Variants in CNTNAP4 observed in about 807,000 individuals in gnomAD.
The protein encoded by CNTNAP4 is contactin-associated protein-like 4.
CNTNAP4 carries 98 observed loss-of-function variants against 148.4 expected under a neutral mutation model. That is an observed-to-expected ratio of 0.66 (90% CI 0.56 to 0.78). The LOEUF (loss-of-function observed/expected upper bound fraction) is 0.78, where lower values mean the gene tolerates loss of function less well. CNTNAP4 is among the 30% of genes least tolerant of loss of function. The probability of loss-of-function intolerance (pLI) is 0.00; values close to 1 mark genes in which losing one functional copy is unlikely to be tolerated. For synonymous variants in CNTNAP4, 730 were observed against 565.1 expected (o/e 1.29, Z -4.14); for missense variants, 1,935 against 1,565.6 (o/e 1.24, Z -3.98).
At position 76,287,963 on chromosome 16, in the gene CNTNAP4, A is replaced by T. The variant is rs77082852; in HGVS notation, c.85+10216A>T. On this transcript the variant is annotated intron_variant, in intron 1 of 23. Transcript: ENST00000611870. ...GCAAACAAATGTCTTCCTACTCAGT[A>T]CTTGCTGATCTTTCCACTTTTGTCT... 2.0e-5 allele frequency among the ~76,000 whole-genome samples: 3 copies of T among 152,218 alleles called. No homozygotes were observed. In the East Asian group the frequency reaches 5.8e-4, roughly 29 times the overall value.
intron 3 of CNTNAP4, among the ~76,000 whole-genome samples, chr16:76,415,560 A>T (rs1013314887): frequency 2.6e-5 from 4 of 151,096 alleles, no homozygotes. Context: ...AATCATTTTT[A>T]TTGAGAAAGT....
Position 76,530,047 on chromosome 16 carries a change from T to A in CNTNAP4, c.2756-5498T>A, listed in dbSNP as rs563921315. ...TTTCTATGAGATTGTCTTATTTTTT[T>A]TAAAAAAAACTTCATAAGAATTCTT... is the stretch of plus-strand genomic sequence containing the variant. On this transcript the variant is annotated intron_variant, in intron 17 of 23. Coordinates refer to ENST00000611870, the MANE Select transcript of CNTNAP4 (RefSeq NM_033401.5). 2.0e-5 allele frequency among the ~76,000 whole-genome samples: 3 copies of A among 152,216 alleles called. No homozygotes were observed. In the South Asian group the frequency reaches 6.2e-4, roughly 32 times the overall value.
At chr16:76,319,545 C>A (rs766240754) in intron 2 of CNTNAP4, among the ~76,000 whole-genome samples, 2 of 152,078 alleles carry the variant, frequency 1.3e-5, no homozygotes, top group Non-Finnish European at 2.9e-5. Context: ...ATGAAGGTGA[C>A]CTTATTTGGA....
At chr16:76,308,853 C>G (rs952738265) in intron 1 of CNTNAP4, among the ~76,000 whole-genome samples, 1 of 152,022 alleles carries the variant, frequency 6.6e-6, no homozygotes, top group Non-Finnish European at 1.5e-5. Context: ...GAGATGGGGT[C>G]TTGCTCTGTT....
chr16:76,301,923 G>A (rs1394580508), intron 1 of CNTNAP4, among the ~76,000 whole-genome samples: 1 of 152,084 alleles, frequency 6.6e-6, no homozygotes, highest in Non-Finnish European at 1.5e-5. Context: ...GAAAACAGTG[G>A]CATTAGCATG....
intron 8 of CNTNAP4, among the ~76,000 whole-genome samples, chr16:76,456,461 G>C (rs559183766): frequency 1.3e-5 from 2 of 152,234 alleles, no homozygotes; most frequent in Non-Finnish European, 2.9e-5. Context: ...AGTATCAGGA[G>C]AGAAAGAAGT....
intron 4 of CNTNAP4, among the ~76,000 whole-genome samples, chr16:76,440,118 A>C (rs1158568696): frequency 6.6e-6 from 1 of 152,128 alleles, no homozygotes; most frequent in Non-Finnish European, 1.5e-5. Context: ...TTCATTTTTA[A>C]CTAAGAAGAG....
intron 3 of CNTNAP4, 34 bp from the exon 4 acceptor site, chr16:76,427,418 A>T (rs764614259): frequency 3.8e-6 from 6 of 1,579,642 alleles, no homozygotes; most frequent in Non-Finnish European, 5.2e-6. Flanking sequence ...TGTTCTCCAG[A>T]TACATTGATG....
chr16:76,533,397 G>T (rs1470734139), intron 17 of CNTNAP4, among the ~76,000 whole-genome samples: 2 of 152,082 alleles, frequency 1.3e-5, no homozygotes, highest in Non-Finnish European at 2.9e-5. Context: ...TAGACAGGAG[G>T]AAAAAGTTCT....
chr16:76,427,526 G>T lies in CNTNAP4; in HGVS notation c.465G>T (p.Leu155=), dbSNP rs372432776. Residue 155 remains leucine (L), a synonymous_variant, in exon 4 of 24, where the codon CTG becomes CTT. Transcript: ENST00000611870. ...RLQPSIKARF[L]RFIPLEWNPK... is the part of the protein sequence containing the mutation. Reference sequence around the variant, plus strand: ...AGCCTTCTATCAAAGCCAGATTTCTGCGCTTCATCCCTTTGGAATGGAACC... The same window carrying T: ...AGCCTTCTATCAAAGCCAGATTTCTTCGCTTCATCCCTTTGGAATGGAACC... 42 of 1,612,974 alleles carry T rather than the reference G, an allele frequency of 2.6e-5. No individual in the cohort carries two copies. The African/African-American group carries it at 4.7e-4, about 18-fold the overall frequency.
At chr16:76,364,298 A>G (rs962922080) in intron 3 of CNTNAP4, among the ~76,000 whole-genome samples, 4 of 151,100 alleles carry the variant, frequency 2.6e-5, no homozygotes, top group Admixed American at 1.3e-4. Flanking sequence ...TGAGCTGTAG[A>G]TACACATAGC....
rs765831502 is a variant in CNTNAP4, at chr16:76,559,552, T to A, written c.*869T>A. ...AAAAAATTCTTAACACAGCAAAAAA[T>A]TATTATTTAATTTACAACTGTAATA... On this transcript the variant is annotated 3_prime_UTR_variant, in exon 24 of 24. Transcript: ENST00000611870. Among the ~76,000 whole-genome samples, 23 of 152,142 alleles carry A rather than the reference T, an allele frequency of 1.5e-4. No homozygotes were observed. Among genetic ancestry groups the A allele is most frequent in the Non-Finnish European group, 2.9e-4 (20 of 68,030 alleles).
chr16:76,438,273 A>T (rs555752301), intron 4 of CNTNAP4, among the ~76,000 whole-genome samples: 1 of 152,076 alleles, frequency 6.6e-6, no homozygotes, highest in Non-Finnish European at 1.5e-5. Flanking sequence ...GCTCAAGGTG[A>T]AATGCCAAGC....
chr16:76,475,912 G>T (rs1364696154), intron 10 of CNTNAP4, 27 bp from the exon 11 acceptor site: 1 of 1,525,406 alleles, frequency 6.6e-7, no homozygotes, highest in Non-Finnish European at 9.1e-7. Context: ...AATGGAAACT[G>T]GTGATTGTAT....
intron 17 of CNTNAP4, among the ~76,000 whole-genome samples, chr16:76,530,429 C>G (rs1378382476): frequency 6.6e-6 from 1 of 152,108 alleles, no homozygotes; most frequent in Non-Finnish European, 1.5e-5. Flanking sequence ...GTAGGTAAAT[C>G]TTAGCGATCA....
intron 3 of CNTNAP4, among the ~76,000 whole-genome samples, chr16:76,368,100 G>A (rs1358174250): frequency 6.6e-6 from 1 of 152,154 alleles, no homozygotes; most frequent in Admixed American, 6.5e-5. Flanking sequence ...TTGACAACCA[G>A]GTACAGGTTT....
intron 1 of CNTNAP4, among the ~76,000 whole-genome samples, chr16:76,281,199 G>A (rs901489064): frequency 1.3e-5 from 2 of 151,946 alleles, no homozygotes; most frequent in Non-Finnish European, 2.9e-5. Flanking sequence ...ACTCAACCTT[G>A]TAATTCTTTC....
At chr16:76,380,198 A>T (rs2015824859) in intron 3 of CNTNAP4, among the ~76,000 whole-genome samples, 1 of 152,198 alleles carries the variant, frequency 6.6e-6, no homozygotes, top group African/African-American at 2.4e-5. Context: ...TTCATTTTGA[A>T]TAAGATATAA....
intron 1 of CNTNAP4, among the ~76,000 whole-genome samples, chr16:76,293,680 T>G (rs1369395134): frequency 3.3e-5 from 5 of 152,292 alleles, no homozygotes; most frequent in Non-Finnish European, 7.4e-5. Context: ...TTTATAGCTC[T>G]TTGCTTGGAA....
Sources: allele counts gnomAD v4.1 joint callset (sites outside exome capture counted in the v4.1 genomes callset), GRCh38; gene constraint gnomAD v4.1.1; transcripts MANE v1.5; gene names NCBI Gene and HGNC (gene_info 2026-07-23, HGNC 2026-07-21).